Variants in SCAP observed in about 807,000 individuals in gnomAD.
The protein encoded by SCAP is SREBF chaperone.
SCAP carries 65 observed loss-of-function variants against 123.6 expected under a neutral mutation model. The ratio of observed to expected loss-of-function variants is 0.53; its 90% CI spans 0.43 to 0.65. The LOEUF is 0.65. Among genes scored for constraint, SCAP ranks in the 30% least tolerant of loss-of-function variants. SCAP has a pLI of 0.00. For synonymous variants in SCAP, 740 were observed against 726.3 expected, an observed-to-expected ratio of 1.02 and a Z score of -0.30; for missense variants, 1,398 against 1,712.5, an observed-to-expected ratio of 0.82 and a Z score of 3.24.
chr3:47,435,084 G>T lies in SCAP; in HGVS notation c.176C>A (p.Thr59Asn), dbSNP rs948776691. Residue 59 changes from threonine (T) to asparagine (N), a missense_variant, in exon 3 of 23, where the codon ACC becomes AAC. Thr to Asn is a moderately conservative substitution (Grantham distance 65, BLOSUM62 0). This residue lies in a region of SCAP where 319 missense variants were observed against 432.4 expected (regional missense o/e 0.74). Transcript: ENST00000265565. ...TGGGGGCGAGTAATCCTTCACAGGGGTGGTGAATTCCACAGGTCCTGTTCC... is the reference window on the plus strand; with the variant it reads ...TGGGGGCGAGTAATCCTTCACAGGGTTGGTGAATTCCACAGGTCCTGTTCC... ...LPGTGPVEFT[T>N]PVKDYSPPPV... 5.0e-6 allele frequency: 8 copies of T among 1,613,998 alleles called. No individual in the cohort carries two copies. Among genetic ancestry groups the T allele is most frequent in the Admixed American group, 1.7e-5 (1 of 59,996 alleles).
intron 19 of SCAP, 45 bp downstream of exon 19, chr3:47,415,053 C>T: frequency 6.3e-7 from 1 of 1,581,934 alleles, no homozygotes; most frequent in Non-Finnish European, 8.6e-7. Flanking sequence ...CGGCCCCTGC[C>T]CGTCCCACCA....
At chr3:47,430,562 G>A (rs1024922326) in intron 3 of SCAP, among the ~76,000 whole-genome samples, 1 of 152,308 alleles carries the variant, frequency 6.6e-6, no homozygotes, top group South Asian at 2.1e-4. Flanking sequence ...CCTGTCAGGG[G>A]ATAACAGAAA....
chr3:47,426,431 T>A (rs926430792), intron 6 of SCAP, among the ~76,000 whole-genome samples: 9 of 152,038 alleles, frequency 5.9e-5, no homozygotes, highest in African/African-American at 2.2e-4. Flanking sequence ...TTTTTATTTA[T>A]TTATTTATTT....
At chr3:47,438,351 C>T (rs1706664718) in intron 2 of SCAP, among the ~76,000 whole-genome samples, 2 of 152,014 alleles carry the variant, frequency 1.3e-5, no homozygotes, top group East Asian at 1.9e-4. Flanking sequence ...GTATTATATG[C>T]TGGGAACTGA....
In SCAP at chr3:47,474,089, C is replaced by A. The variant is rs369613727; in HGVS notation, c.-99+1710G>T. On this transcript the variant is annotated intron_variant, in intron 1 of 22. Coordinates refer to ENST00000265565, the MANE Select transcript of SCAP (RefSeq NM_012235.4). ...GACGATCCTGGCTAACACGGTGAAACCCCGTCTCTACTAAAAATACAAAAA... is the reference window on the plus strand; with the variant it reads ...GACGATCCTGGCTAACACGGTGAAAACCCGTCTCTACTAAAAATACAAAAA... Among the ~76,000 whole-genome samples, 3 of 152,070 alleles carry A rather than the reference C, an allele frequency of 2.0e-5. No individual in the cohort carries two copies. In the East Asian group the frequency reaches 5.8e-4, roughly 30 times the overall value.
At chr3:47,428,435 G>T in intron 4 of SCAP, 78 bp downstream of exon 4, 1 of 1,434,186 alleles carries the variant, frequency 7.0e-7, no homozygotes. Context: ...CTGGCTCACT[G>T]CAGTTACACT....
intron 1 of SCAP, among the ~76,000 whole-genome samples, chr3:47,475,161 G>GC (rs201957604): frequency 1.1e-3 from 162 of 150,858 alleles, no homozygotes; most frequent in East Asian, 4.7e-3. Flanking sequence ...GCGACTCACT[G>GC]CCCCCCCCTC....
rs777506993 is a variant in SCAP at position 47,417,843 on chromosome 3, CGGAGTGAGAGGGGGCACGGGGGAGG to C, written c.2448-42_2448-18del. 3 of 1,100,808 alleles carry C rather than the reference CGGAGTGAGAGGGGGCACGGGGGAGG, an allele frequency of 2.7e-6. No individual in the cohort carries two copies. The highest frequency in any genetic ancestry group is 6.1e-5 in the African/African-American group (2 of 32,726). 68.2% of individuals were successfully genotyped at this position (1,100,808 alleles called of 1,614,324 possible). On this transcript the variant is annotated intron_variant, in intron 16 of 22. Coordinates refer to ENST00000265565, the MANE Select transcript of SCAP (RefSeq NM_012235.4). ...CGCTGCCTGCTGGGGGCCAGGAGGG[CGGAGTGAGAGGGGGCACGGGGGAGG>C]GGGGTGAGAGGGGGCGGGGGACGGG... is the stretch of plus-strand genomic sequence containing the variant.
intron 1 of SCAP, among the ~76,000 whole-genome samples, chr3:47,457,770 G>T (rs1349945294): frequency 6.6e-6 from 1 of 151,932 alleles, no homozygotes; most frequent in Non-Finnish European, 1.5e-5. Context: ...AGCTGGGCCT[G>T]GTGGCGGGTG....
At chr3:47,446,120 C>A (rs189237940) in intron 1 of SCAP, among the ~76,000 whole-genome samples, 1 of 151,378 alleles carries the variant, frequency 6.6e-6, no homozygotes, top group Non-Finnish European at 1.5e-5. Context: ...GTGATCTGAC[C>A]GCCTCAGCCT....
chr3:47,472,155 C>T (rs994632126), intron 1 of SCAP, among the ~76,000 whole-genome samples: 6 of 150,552 alleles, frequency 4.0e-5, no homozygotes, highest in South Asian at 2.1e-4. Context: ...TAAATGGGGC[C>T]GGGCGCGGTG....
intron 1 of SCAP, among the ~76,000 whole-genome samples, chr3:47,466,220 A>G (rs1386095815): frequency 6.6e-6 from 1 of 152,132 alleles, no homozygotes; most frequent in Non-Finnish European, 1.5e-5. Flanking sequence ...TAGCCAAAAC[A>G]AACTTGAAAA....
Position 47,417,085 on chromosome 3 carries a change from G to A in SCAP, c.3056+37C>T, listed in dbSNP as rs1378488163. The A allele has an allele frequency of 3.8e-6, 6 of 1,587,238 alleles. No individual in the cohort carries two copies. The African/African-American group carries it at 8.1e-5, about 21-fold the overall frequency. ...AGAGAGTATGGCCTAGCCAACAAAG[G>A]CTGGGGACATCTGGGGCTGAGGCAG... On this transcript the variant is annotated intron_variant, in intron 18 of 22. Coordinates refer to ENST00000265565, the MANE Select transcript of SCAP (RefSeq NM_012235.4).
chr3:47,414,694 TC>T lies in SCAP; in HGVS notation c.3307-43del. 2.5e-6 allele frequency: 4 copies of T among 1,612,456 alleles called. No individual in the cohort carries two copies. In the South Asian group the frequency reaches 4.4e-5, roughly 18 times the overall value. ...CCTCAGGTTCTGGTCTCTGGGATTT[TC>T]CAAGTTATACTTTGGCTGGGAAATG... On this transcript the variant is annotated intron_variant, in intron 20 of 22. Coordinates refer to ENST00000265565, the MANE Select transcript of SCAP (RefSeq NM_012235.4).
chr3:47,416,666 G>A (rs1231633181), intron 18 of SCAP, among the ~76,000 whole-genome samples: 4 of 117,580 alleles, frequency 3.4e-5, no homozygotes, highest in South Asian at 2.9e-4. Context: ...TCGCTCTGTC[G>A]CCCAGGCTGG....
At chr3:47,459,651 A>T (rs1707555170) in intron 1 of SCAP, among the ~76,000 whole-genome samples, 1 of 152,190 alleles carries the variant, frequency 6.6e-6, no homozygotes. Context: ...AGGTCACAAG[A>T]TCACATGCTT....
intron 1 of SCAP, among the ~76,000 whole-genome samples, chr3:47,456,397 T>C (rs1194507055): frequency 1.3e-5 from 2 of 151,986 alleles, no homozygotes; most frequent in African/African-American, 4.8e-5. Flanking sequence ...AATAAGACCC[T>C]GCCTCAACAT....
In SCAP at chr3:47,424,737, G is replaced by T. The variant is rs567752832; in HGVS notation, c.1038-692C>A. ...GTGTCAAGCTCAGGAAAGGGAGCAG[G>T]TATCTAAGAGCAACGAAACTACCAG... is the stretch of plus-strand genomic sequence containing the variant. On this transcript the variant is annotated intron_variant, in intron 8 of 22. Coordinates refer to ENST00000265565, the MANE Select transcript of SCAP (RefSeq NM_012235.4). Among the ~76,000 whole-genome samples, 204 of 152,294 alleles carry T rather than the reference G, an allele frequency of 1.3e-3. 1 individual carries two copies. The highest frequency in any genetic ancestry group is 2.4e-3 in the Non-Finnish European group (166 of 68,024).
At chr3:47,468,881 T>C (rs1385353801) in intron 1 of SCAP, among the ~76,000 whole-genome samples, 1 of 152,242 alleles carries the variant, frequency 6.6e-6, no homozygotes, top group East Asian at 1.9e-4. Flanking sequence ...TAATCCATCT[T>C]GAATTGATTT....
Sources: allele counts gnomAD v4.1 joint callset (sites outside exome capture counted in the v4.1 genomes callset), GRCh38; gene constraint gnomAD v4.1.1; regional missense constraint gnomAD v4.1.1; transcripts MANE v1.5; gene names NCBI Gene and HGNC (gene_info 2026-07-23, HGNC 2026-07-21).